Variants in RASAL2 observed in about 807,000 individuals in gnomAD.
The protein encoded by RASAL2 is RAS protein activator like 2.
Under a neutral mutation model 128.9 loss-of-function variants are expected in RASAL2, and 58 were observed. The ratio of observed to expected loss-of-function variants is 0.45; its 90% CI spans 0.36 to 0.56. The LOEUF (loss-of-function observed/expected upper bound fraction) is 0.56. Ranked by LOEUF, RASAL2 falls within the 20% of genes least tolerant of loss-of-function variation. RASAL2 has a pLI of 0.00. For missense variants in RASAL2, 1,360 were observed against 1,601.6 expected (o/e 0.85, Z 2.57); for synonymous variants, 561 against 580.8 (o/e 0.97, Z 0.49).
At chr1:178,296,939 T>C (rs538511588) in intron 2 of RASAL2, among the ~76,000 whole-genome samples, 2 of 151,682 alleles carry the variant, frequency 1.3e-5, no homozygotes, top group East Asian at 1.9e-4. Context: ...CCCAAAGTGC[T>C]GGGATTTACA....
At chr1:178,326,595 A>G (rs1029088260) in intron 3 of RASAL2, among the ~76,000 whole-genome samples, 1 of 152,164 alleles carries the variant, frequency 6.6e-6, no homozygotes, top group Non-Finnish European at 1.5e-5. Context: ...CCCAGGCTGG[A>G]GTGCAATGGC....
chr1:178,293,051 C>A (rs1667348778), intron 2 of RASAL2, among the ~76,000 whole-genome samples: 1 of 152,186 alleles, frequency 6.6e-6, no homozygotes, highest in Non-Finnish European at 1.5e-5. Flanking sequence ...CTGGGGTGAG[C>A]TACCTATGGC....
chr1:178,467,238 T>G, intron 16 of RASAL2, 96 bp from the exon 17 acceptor site: 1 of 915,420 alleles, frequency 1.1e-6, no homozygotes, highest in South Asian at 1.4e-5. Flanking sequence ...GCAGGTGTCT[T>G]ATTAAAAAGG....
At chr1:178,111,726 CTA>C (rs1659329976) in intron 1 of RASAL2, among the ~76,000 whole-genome samples, 1 of 151,920 alleles carries the variant, frequency 6.6e-6, no homozygotes, top group Non-Finnish European at 1.5e-5. Context: ...AATCTTTTGT[CTA>C]TTTTATTTTA....
chr1:178,313,552 A>G (rs560725859), intron 3 of RASAL2, among the ~76,000 whole-genome samples: 46 of 151,696 alleles, frequency 3.0e-4, no homozygotes, highest in African/African-American at 1.1e-3. Flanking sequence ...GTGCAGTGGC[A>G]TGATCACAGC....
At chr1:178,411,429 GACTAC>G (rs1169766804) in intron 4 of RASAL2, among the ~76,000 whole-genome samples, 2 of 152,086 alleles carry the variant, frequency 1.3e-5, no homozygotes, top group Non-Finnish European at 2.9e-5. Context: ...AGGGATAAAA[GACTAC>G]ACATTGGGTA....
At chr1:178,154,695 T>C (rs565908251) in intron 1 of RASAL2, among the ~76,000 whole-genome samples, 3 of 152,232 alleles carry the variant, frequency 2.0e-5, no homozygotes, top group Admixed American at 2.0e-4. Context: ...GCCATTCATA[T>C]ATCTTCTTTG....
At chr1:178,402,154 G>A (rs1024021290) in intron 4 of RASAL2, among the ~76,000 whole-genome samples, 2 of 152,098 alleles carry the variant, frequency 1.3e-5, no homozygotes, top group Non-Finnish European at 1.5e-5. Flanking sequence ...GTTGGCTCAC[G>A]CCTGTAATCC....
intron 1 of RASAL2, among the ~76,000 whole-genome samples, chr1:178,252,250 T>G (rs573510249): frequency 6.6e-6 from 1 of 152,092 alleles, no homozygotes; most frequent in Non-Finnish European, 1.5e-5. Flanking sequence ...CCTATTAATT[T>G]TGCATTTTAC....
intron 1 of RASAL2, among the ~76,000 whole-genome samples, chr1:178,141,198 T>C (rs1032740397): frequency 3.2e-5 from 4 of 123,278 alleles, no homozygotes; most frequent in East Asian, 2.2e-4. Context: ...CTTTTCTTTT[T>C]TTTTTTTTTT....
intron 4 of RASAL2, 31 bp from the exon 5 acceptor site, chr1:178,420,480 C>A: frequency 6.8e-7 from 1 of 1,477,676 alleles, no homozygotes; most frequent in Non-Finnish European, 9.4e-7. Flanking sequence ...TTTTGGTTCT[C>A]TCTCCCATCA....
At chr1:178,189,368 C>G (rs1662412826) in intron 1 of RASAL2, among the ~76,000 whole-genome samples, 1 of 152,120 alleles carries the variant, frequency 6.6e-6, no homozygotes, top group Non-Finnish European at 1.5e-5. Flanking sequence ...TCTGTCTATC[C>G]TTGAATACAA....
At chr1:178,202,064 G>C (rs1662891824) in intron 1 of RASAL2, among the ~76,000 whole-genome samples, 1 of 152,150 alleles carries the variant, frequency 6.6e-6, no homozygotes, top group Admixed American at 6.5e-5. Flanking sequence ...CGGGACCATT[G>C]GACACTGGCT....
At chr1:178,185,933 T>C (rs1662276336) in intron 1 of RASAL2, among the ~76,000 whole-genome samples, 1 of 152,166 alleles carries the variant, frequency 6.6e-6, no homozygotes, top group Non-Finnish European at 1.5e-5. Context: ...CTACTTCTGT[T>C]TTCTGGAAGA....
At chr1:178,324,135 G>A (rs1479018242) in intron 3 of RASAL2, among the ~76,000 whole-genome samples, 1 of 152,116 alleles carries the variant, frequency 6.6e-6, no homozygotes, top group African/African-American at 2.4e-5. Flanking sequence ...AAGAATGCAG[G>A]AGCAATAACA....
At chr1:178,315,617 G>A (rs1455147656) in intron 3 of RASAL2, among the ~76,000 whole-genome samples, 8 of 139,564 alleles carry the variant, frequency 5.7e-5, no homozygotes, top group South Asian at 2.3e-4. Context: ...CATGTCCTTC[G>A]CCCACTTTTT....
At chr1:178,237,767 A>G (rs1039279453) in intron 1 of RASAL2, among the ~76,000 whole-genome samples, 2 of 152,190 alleles carry the variant, frequency 1.3e-5, no homozygotes, top group Non-Finnish European at 2.9e-5. Context: ...TTAGGTGTAC[A>G]GTTCAGTGGC....
At chr1:178,117,110 A>G (rs1659546311) in intron 1 of RASAL2, among the ~76,000 whole-genome samples, 1 of 152,244 alleles carries the variant, frequency 6.6e-6, no homozygotes, top group Non-Finnish European at 1.5e-5. Flanking sequence ...TATATTGAAG[A>G]ACACTTATTA....
intron 2 of RASAL2, among the ~76,000 whole-genome samples, chr1:178,286,668 T>C (rs1667044364): frequency 6.6e-6 from 1 of 152,220 alleles, no homozygotes; most frequent in Non-Finnish European, 1.5e-5. Context: ...CGCCTCAGCC[T>C]CCCAAAGTGC....
Sources: allele counts gnomAD v4.1 joint callset (sites outside exome capture counted in the v4.1 genomes callset), GRCh38; gene constraint gnomAD v4.1.1; transcripts MANE v1.5; gene names NCBI Gene and HGNC (gene_info 2026-07-23, HGNC 2026-07-21).